Variants in PTCHD4 observed in about 807,000 individuals in gnomAD.
The protein encoded by PTCHD4 is patched domain containing 4.
Under a neutral mutation model 58.1 loss-of-function variants are expected in PTCHD4, and 33 were observed. The ratio of observed to expected loss-of-function variants is 0.57; its 90% CI spans 0.43 to 0.76. The LOEUF (loss-of-function observed/expected upper bound fraction) is 0.76. Among genes scored for constraint, PTCHD4 ranks in the 30% least tolerant of loss-of-function variants. PTCHD4 has a pLI of 0.00. For synonymous variants in PTCHD4, 478 were observed against 409.6 expected (o/e 1.17, Z -2.02); for missense variants, 1,058 against 1,027.1 (o/e 1.03, Z -0.41).
At position 47,861,665 on chromosome 6, in the gene PTCHD4, A is replaced by G; in HGVS notation, c.*16638T>C. ...CTTGAACAATTTTTAGATTAATAGC[A>G]GGTTAATTAGGTTAATAGCAGGCAA... On this transcript the variant is annotated 3_prime_UTR_variant, in exon 5 of 5. Coordinates refer to ENST00000339488, the MANE Select transcript of PTCHD4 (RefSeq NM_001384253.1). Among the ~76,000 whole-genome samples, 1 of 152,084 alleles carries G rather than the reference A, an allele frequency of 6.6e-6. No homozygotes were observed. The highest frequency in any genetic ancestry group is 1.5e-5 in the Non-Finnish European group (1 of 67,898).
rs558497263 is a variant in PTCHD4 at position 47,866,870 on chromosome 6, C to G, written c.*11433G>C. On this transcript the variant is annotated 3_prime_UTR_variant, in exon 5 of 5. Transcript: ENST00000339488. Reference sequence around the variant, plus strand: ...AGTGAATTTAAAAAATAGTTTTAAGCATTTTAACAAACTCATTGTCTTAAA... The same window carrying G: ...AGTGAATTTAAAAAATAGTTTTAAGGATTTTAACAAACTCATTGTCTTAAA... Among the ~76,000 whole-genome samples the G allele has an allele frequency of 1.3e-4, 20 of 151,862 alleles. No individual in the cohort carries two copies.
At chr6:48,003,407 G>A (rs1768813371) in intron 4 of PTCHD4, among the ~76,000 whole-genome samples, 1 of 152,142 alleles carries the variant, frequency 6.6e-6, no homozygotes, top group Admixed American at 6.6e-5. Context: ...TCTAAGCCTG[G>A]GGTCATCATT....
chr6:47,903,241 A>G (rs1185923266), intron 4 of PTCHD4, among the ~76,000 whole-genome samples: 1 of 152,204 alleles, frequency 6.6e-6, no homozygotes, highest in Non-Finnish European at 1.5e-5. Context: ...TTGTGATAGT[A>G]TCTTCGTTCA....
In PTCHD4 at chr6:47,931,870, A is replaced by G. The variant is rs374943170; in HGVS notation, c.899-51934T>C. Among the ~76,000 whole-genome samples, 6 of 152,174 alleles carry G rather than the reference A, an allele frequency of 3.9e-5. No individual in the cohort carries two copies. The East Asian group carries it at 7.7e-4, about 20-fold the overall frequency. ...CTCCCAAAGTTCCTGTAGGGGAGAT[A>G]AACAGCAACCAGAATTATAGTCATT... On this transcript the variant is annotated intron_variant, in intron 4 of 4. Coordinates refer to ENST00000339488, the MANE Select transcript of PTCHD4 (RefSeq NM_001384253.1).
At chr6:47,995,028 A>T (rs1321935519) in intron 4 of PTCHD4, among the ~76,000 whole-genome samples, 1 of 152,116 alleles carries the variant, frequency 6.6e-6, no homozygotes, top group East Asian at 1.9e-4. Flanking sequence ...AAAGATGGTC[A>T]CTCTCTGAGG....
chr6:48,033,002 G>A (rs760506243), intron 3 of PTCHD4, among the ~76,000 whole-genome samples: 5 of 152,118 alleles, frequency 3.3e-5, no homozygotes, highest in African/African-American at 1.2e-4. Context: ...TGAACAAAGA[G>A]TTGTAAGCAT....
At chr6:48,093,741 GA>G (rs57457396) in intron 1 of PTCHD4, among the ~76,000 whole-genome samples, 27,550 of 151,718 alleles carry the variant, frequency 0.18, 2,747 homozygotes, top group African/African-American at 0.25. Context: ...TTTAAAGGAA[GA>G]AAAAAATGGC....
At chr6:47,991,729 T>C (rs1317896503) in intron 4 of PTCHD4, among the ~76,000 whole-genome samples, 3 of 151,296 alleles carry the variant, frequency 2.0e-5, no homozygotes, top group Non-Finnish European at 4.4e-5. Flanking sequence ...TTATTATATA[T>C]AAAAGGAAAA....
intron 1 of PTCHD4, among the ~76,000 whole-genome samples, chr6:48,104,837 G>T (rs1057346644): frequency 1.8e-4 from 27 of 152,106 alleles, no homozygotes; most frequent in African/African-American, 6.5e-4. Context: ...AACCAACAAA[G>T]ATCAAAAGAG....
In PTCHD4 at chr6:47,989,427, T is replaced by C. The variant is rs1022238277; in HGVS notation, c.898+19207A>G. On this transcript the variant is annotated intron_variant, in intron 4 of 4. Coordinates refer to ENST00000339488, the MANE Select transcript of PTCHD4 (RefSeq NM_001384253.1). ...AAACATCTCCAGGGCATGTCAGAGG[T>C]CTTCAACGTAGCCTTTCCTGTCATA... Among the ~76,000 whole-genome samples the C allele has an allele frequency of 4.6e-5, 7 of 152,066 alleles. No individual in the cohort carries two copies. In the East Asian group the frequency reaches 9.7e-4, roughly 21 times the overall value.
At chr6:47,976,023 A>T (rs1420188620) in intron 4 of PTCHD4, among the ~76,000 whole-genome samples, 1 of 152,110 alleles carries the variant, frequency 6.6e-6, no homozygotes, top group Non-Finnish European at 1.5e-5. Context: ...GCATTTATGG[A>T]CTACTTCATT....
chr6:47,994,551 T>TA (rs1768406516), intron 4 of PTCHD4, among the ~76,000 whole-genome samples: 1 of 152,076 alleles, frequency 6.6e-6, no homozygotes, highest in Non-Finnish European at 1.5e-5. Flanking sequence ...TGGAGGTCAG[T>TA]AAAAAATGAC....
At chr6:48,040,973 T>C (rs1763826244) in intron 3 of PTCHD4, among the ~76,000 whole-genome samples, 3 of 152,120 alleles carry the variant, frequency 2.0e-5, no homozygotes, top group South Asian at 4.1e-4. Context: ...ATTGCATCGT[T>C]AATATATACA....
At chr6:48,057,551 T>G (rs1764456802) in intron 3 of PTCHD4, among the ~76,000 whole-genome samples, 3 of 152,196 alleles carry the variant, frequency 2.0e-5, no homozygotes, top group African/African-American at 7.2e-5. Context: ...TACATGAAAA[T>G]GCTTTCTACT....
Position 47,874,933 on chromosome 6 carries a change from A to G in PTCHD4, c.*3370T>C, listed in dbSNP as rs1448991888. 6.6e-6 allele frequency among the ~76,000 whole-genome samples: 1 copy of G among 151,808 alleles called. No individual in the cohort carries two copies. The highest frequency in any genetic ancestry group is 1.9e-4 in the East Asian group (1 of 5,150). ...AACCATAAACGGTAAAAAATCTTTT[A>G]GCTGATCTCTCTGTAATTTAGGTGA... On this transcript the variant is annotated 3_prime_UTR_variant, in exon 5 of 5. Transcript: ENST00000339488.
intron 1 of PTCHD4, among the ~76,000 whole-genome samples, chr6:48,071,439 A>G (rs778638854): frequency 9.9e-5 from 15 of 152,210 alleles, no homozygotes; most frequent in Non-Finnish European, 1.6e-4. Context: ...AAATATACAC[A>G]TAGAAAAAAG....
At position 48,008,943 on chromosome 6, in the gene PTCHD4, T is replaced by A. The variant is rs761256518; in HGVS notation, c.589A>T (p.Lys197Ter). ...TCCTCCTGGAGCTTCCTTATAAGCT[T>A]ACAGAACTCATTCTCCCACTTCTCC... ...IGEKWENEFC[K>*]LIRKLQEEHQ... The change falls in exon 4 of 5, where the codon AAG becomes TAG. Residue 197 changes from lysine to a stop codon, truncating the protein, a stop_gained. Coordinates refer to ENST00000339488, the MANE Select transcript of PTCHD4 (RefSeq NM_001384253.1). LOFTEE classifies it high-confidence loss of function. 6.2e-7 allele frequency: 1 copy of A among 1,613,936 alleles called. No individual in the cohort carries two copies. Among genetic ancestry groups the A allele is most frequent in the Non-Finnish European group, 8.5e-7 (1 of 1,179,868 alleles).
Position 47,879,136 on chromosome 6 carries a change from C to A in PTCHD4, c.1699G>T (p.Asp567Tyr), listed in dbSNP as rs777174964. 6.2e-7 allele frequency: 1 copy of A among 1,612,040 alleles called. No homozygotes were observed. The highest frequency in any genetic ancestry group is 1.1e-5 in the South Asian group (1 of 91,012). Residue 567 changes from aspartate to tyrosine, a missense_variant, in exon 5 of 5, where the codon GAC becomes TAC. Asp to Tyr is a radical substitution (Grantham distance 160, BLOSUM62 -3). Transcript: ENST00000339488. ...VSNVSANNKSDFISVLQSSFL... is the reference protein window; with the variant it reads ...VSNVSANNKSYFISVLQSSFL... ...GAGCTTTGCAGGACACTGATGAAGT[C>A]ACTTTTGTTATTGGCACTGACGTTG...
At chr6:48,044,449 C>T (rs777879007) in intron 3 of PTCHD4, among the ~76,000 whole-genome samples, 5 of 151,816 alleles carry the variant, frequency 3.3e-5, no homozygotes, top group African/African-American at 4.8e-5. Context: ...AGATTTACAG[C>T]GCAAACTTGG....
Sources: gnomAD v4.1 joint callset for allele counts (sites outside exome capture counted in the v4.1 genomes callset) on GRCh38, gnomAD v4.1.1 for gene constraint, MANE v1.5 for transcripts, NCBI Gene and HGNC (gene_info 2026-07-23, HGNC 2026-07-21) for gene names.